Variants in SIGLEC9 observed in about 807,000 individuals in gnomAD.
SIGLEC9 encodes sialic acid binding Ig like lectin 9.
SIGLEC9 carries 26 observed loss-of-function variants against 38.3 expected under a neutral mutation model. That is an observed-to-expected ratio of 0.68 (90% confidence interval 0.50 to 0.94). The LOEUF (loss-of-function observed/expected upper bound fraction) is 0.94, where lower values mean the gene tolerates loss of function less well. SIGLEC9 is among the 40% of genes least tolerant of loss of function. SIGLEC9 has a pLI of 0.00. For missense variants in SIGLEC9, 556 were observed against 585.7 expected (o/e 0.95, Z 0.52); for synonymous variants, 236 against 248.0 (o/e 0.95, Z 0.45).
At chr19:51,129,547 G>A (rs981119772) in intron 6 of SIGLEC9, among the ~76,000 whole-genome samples, 6 of 151,208 alleles carry the variant, frequency 4.0e-5, no homozygotes, top group East Asian at 3.9e-4. Context: ...GCATTTTTTC[G>A]TTTGTTTGTT....
Position 51,129,945 on chromosome 19 carries a change from G to A in SIGLEC9, c.1258G>A (p.Ala420Thr), listed in dbSNP as rs1269112824. 1.2e-6 allele frequency: 2 copies of A among 1,613,314 alleles called. No homozygotes were observed. Among genetic ancestry groups the A allele is most frequent in the Admixed American group, 3.3e-5 (2 of 59,834 alleles). ...CAGTCCCCCAGACCAGCCTCCCCCA[G>A]CTTCTGCCCGCTCCTCAGTGGGGGA... is the stretch of plus-strand genomic sequence containing the variant. The part of the protein sequence containing the change: ...EDSPPDQPPP[A>T]SARSSVGEGE... The change falls in exon 7 of 7, where the codon GCT becomes ACT. Residue 420 changes from alanine to threonine, a missense_variant. Coordinates refer to ENST00000250360, the MANE Select transcript of SIGLEC9 (RefSeq NM_014441.3).
At chr19:51,125,505 C>T in intron 1 of SIGLEC9, 92 bp from the exon 2 acceptor site, 3 of 1,561,952 alleles carry the variant, frequency 1.9e-6, no homozygotes, top group South Asian at 2.4e-5. Flanking sequence ...AGCGAGTTGG[C>T]TCAGGGCAGG....
chr19:51,130,300 A>T lies in SIGLEC9; in HGVS notation c.*221A>T. 4.8e-6 allele frequency: 4 copies of T among 829,832 alleles called. No homozygotes were observed. Among genetic ancestry groups the T allele is most frequent in the Non-Finnish European group, 4.9e-6 (3 of 608,776 alleles). 51.4% of individuals were successfully genotyped at this position (829,832 alleles called of 1,614,324 possible). ...TTTTATTTTTTTAACTAAAAGACAGACAAATTCCTACCTCTCTGTACCTTG... is the reference window on the plus strand; with the variant it reads ...TTTTATTTTTTTAACTAAAAGACAGTCAAATTCCTACCTCTCTGTACCTTG... On this transcript the variant is annotated 3_prime_UTR_variant, in exon 7 of 7. Transcript: ENST00000250360.
At chr19:51,135,764 AT>A (rs1342246998) in intron 6 of SIGLEC9, among the ~76,000 whole-genome samples, 4 of 151,320 alleles carry the variant, frequency 2.6e-5, no homozygotes, top group East Asian at 2.0e-4. Flanking sequence ...GGGTTTTGTC[AT>A]TTTTTTTAAT....
At chr19:51,120,578 C>T (rs1007114013), upstream of SIGLEC9, 8 of 152,610 alleles carry the variant, frequency 5.2e-5, no homozygotes, top group African/African-American at 1.9e-4. The surrounding 1 kb of genome is among the most constrained non-coding windows in gnomAD (Gnocchi z 4.1). Flanking sequence ...GGGAACCCCA[C>T]CAAATTTCTT....
chr19:51,133,082 T>G (rs148332992), downstream of SIGLEC9, among the ~76,000 whole-genome samples: 69 of 151,898 alleles, frequency 4.5e-4, no homozygotes, highest in Middle Eastern at 3.4e-3. Context: ...GTTCTGAAAT[T>G]TATATAAACA....
chr19:51,135,256 A>G (rs1221654697), downstream of SIGLEC9, among the ~76,000 whole-genome samples: 6 of 152,232 alleles, frequency 3.9e-5, no homozygotes, highest in Non-Finnish European at 8.8e-5. Context: ...AGGACCTCTT[A>G]TAAGTCAGGT....
upstream of SIGLEC9, chr19:51,120,683 G>T: frequency 1.1e-5 from 2 of 184,686 alleles, no homozygotes; most frequent in South Asian, 1.2e-4. The surrounding 1 kb of genome is among the most constrained non-coding windows in gnomAD (Gnocchi z 4.1). Context: ...ATGTGACCAT[G>T]GCAGCAACCT....
In SIGLEC9 at chr19:51,125,102, TCTCCTAC is replaced by T. The variant is rs2091967502; in HGVS notation, c.130_136del (p.Ser44ProfsTer11). On this transcript the variant is annotated frameshift_variant, in exon 1 of 7. Coordinates refer to ENST00000250360, the MANE Select transcript of SIGLEC9 (RefSeq NM_014441.3). LOFTEE classifies it high-confidence loss of function. Reference sequence around the variant, plus strand: ...CTGTGTGTCCATGTGCCCTGCTCCTTCTCCTACCCCTCGCATGGCTGGATTTACCCTG... The same window carrying T: ...CTGTGTGTCCATGTGCCCTGCTCCTTCCCTCGCATGGCTGGATTTACCCTG... 1.7e-5 allele frequency: 28 copies of T among 1,614,006 alleles called. No individual in the cohort carries two copies. The highest frequency in any genetic ancestry group is 2.4e-5 in the Non-Finnish European group (28 of 1,179,966).
At chr19:51,123,531 G>C (rs1416999309), upstream of SIGLEC9, among the ~76,000 whole-genome samples, 1 of 152,206 alleles carries the variant, frequency 6.6e-6, no homozygotes, top group Admixed American at 6.5e-5. Flanking sequence ...GGGCAAACAT[G>C]GGGGCCTGAG....
intron 6 of SIGLEC9, among the ~76,000 whole-genome samples, chr19:51,129,447 C>T (rs929811324): frequency 3.3e-5 from 5 of 152,090 alleles, no homozygotes; most frequent in African/African-American, 4.8e-5. Context: ...GCGTGAGCCA[C>T]TGTGACCGGC....
intron 6 of SIGLEC9, 57 bp downstream of exon 6, chr19:51,128,567 G>A: frequency 6.7e-7 from 1 of 1,491,674 alleles, no homozygotes; most frequent in Non-Finnish European, 9.3e-7. Context: ...CCCACAGGAT[G>A]ACCCCCAGGA....
intron 6 of SIGLEC9, among the ~76,000 whole-genome samples, chr19:51,135,327 G>C (rs1423339838): frequency 6.6e-6 from 1 of 152,108 alleles, no homozygotes; most frequent in Non-Finnish European, 1.5e-5. Context: ...TTTATCCTTC[G>C]TTTATGAAGC....
At chr19:51,131,004 G>C (rs563964134), downstream of SIGLEC9, among the ~76,000 whole-genome samples, 202 of 152,328 alleles carry the variant, frequency 1.3e-3, no homozygotes, top group African/African-American at 4.7e-3. Context: ...CTGAGGGAGA[G>C]AGTGAAGCAG....
At chr19:51,124,692 G>A (rs1337529108), upstream of SIGLEC9, among the ~76,000 whole-genome samples, 4 of 152,234 alleles carry the variant, frequency 2.6e-5, no homozygotes, top group East Asian at 7.7e-4. Flanking sequence ...GAGGCAGGAG[G>A]TGGGGTGGGC....
chr19:51,131,490 G>A (rs570319728), downstream of SIGLEC9, among the ~76,000 whole-genome samples: 505 of 152,126 alleles, frequency 3.3e-3, 1 homozygote, highest in Non-Finnish European at 5.9e-3. Flanking sequence ...GGAGGCTGAG[G>A]CAGGAGAATG....
intron 3 of SIGLEC9, 111 bp downstream of exon 3, chr19:51,126,239 G>A (rs1012016944): frequency 1.2e-4 from 124 of 1,056,556 alleles, no homozygotes; most frequent in Non-Finnish European, 4.7e-5. Context: ...TGTCCTTGTG[G>A]GTGAACTCAG....
In SIGLEC9 at chr19:51,125,058, C is replaced by T. The variant is rs761053020; in HGVS notation, c.84C>T (p.Ser28=). Residue 28 remains serine, a synonymous_variant, in exon 1 of 7, where the codon TCC becomes TCT. Coordinates refer to ENST00000250360, the MANE Select transcript of SIGLEC9 (RefSeq NM_014441.3). The part of the protein sequence containing the change: ...QTSKLLTMQS[S]VTVQEGLCVH... ...GTAAACTGCTGACGATGCAGAGTTC[C>T]GTGACGGTGCAGGAAGGCCTGTGTG... The T allele has an allele frequency of 1.9e-5, 31 of 1,614,034 alleles. No individual in the cohort carries two copies. The highest frequency in any genetic ancestry group is 3.3e-5 in the Admixed American group (2 of 60,008).
chr19:51,134,302 GC>G (rs1236326133), downstream of SIGLEC9, among the ~76,000 whole-genome samples: 1 of 151,684 alleles, frequency 6.6e-6, no homozygotes, highest in Non-Finnish European at 1.5e-5. Flanking sequence ...GGGCCACCAT[GC>G]CCAGCTAATT....
Sources: allele counts gnomAD v4.1 joint callset (sites outside exome capture counted in the v4.1 genomes callset), GRCh38; gene constraint gnomAD v4.1.1; non-coding constraint Gnocchi (gnomAD v3.1); transcripts MANE v1.5; gene names NCBI Gene and HGNC (gene_info 2026-07-23, HGNC 2026-07-21).